PTPRD: variants seen among roughly 807,000 people sequenced by gnomAD.
PTPRD encodes protein tyrosine phosphatase receptor type D.
In PTPRD, 34 loss-of-function variants were observed where a neutral mutation model predicts 214.5. The ratio of observed to expected loss-of-function variants is 0.16; its 90% CI spans 0.12 to 0.21. The LOEUF is 0.21. PTPRD is among the 10% of genes least tolerant of loss of function. The pLI, the probability that PTPRD is intolerant of heterozygous loss-of-function variation, is 1.00. For synonymous variants in PTPRD, 1,128 were observed against 845.7 expected (o/e 1.33, Z -5.79); for missense variants, 2,545 against 2,398.7 (o/e 1.06, Z -1.27).
At chr9:9,540,867 C>T (rs1296508494) in intron 8 of PTPRD, among the ~76,000 whole-genome samples, 1 of 151,676 alleles carries the variant, frequency 6.6e-6, no homozygotes, top group Admixed American at 6.6e-5. Context: ...GTTCCACTTA[C>T]CGCTGGGATG....
intron 23 of PTPRD, among the ~76,000 whole-genome samples, chr9:8,503,046 G>T (rs958844280): frequency 6.6e-6 from 1 of 151,884 alleles, no homozygotes; most frequent in African/African-American, 2.4e-5. Context: ...ACATGCTTAC[G>T]CCTTTAAATG....
intron 2 of PTPRD, among the ~76,000 whole-genome samples, chr9:10,464,721 G>GA (rs145836954): frequency 0.03 from 4,457 of 150,292 alleles, 188 homozygotes; most frequent in African/African-American, 0.096. Flanking sequence ...TTTTAAAGTA[G>GA]AAAAAAAAAC....
intron 2 of PTPRD, among the ~76,000 whole-genome samples, chr9:10,568,867 G>A (rs2066519976): frequency 1.3e-5 from 2 of 152,078 alleles, no homozygotes; most frequent in Admixed American, 1.3e-4. Flanking sequence ...CTTGGGCAAG[G>A]ACTTCATGTC....
intron 12 of PTPRD, among the ~76,000 whole-genome samples, chr9:8,642,351 C>T (rs1248099706): frequency 6.6e-6 from 1 of 152,142 alleles, no homozygotes; most frequent in African/African-American, 2.4e-5. Flanking sequence ...TTAACATTTC[C>T]TTAAATACAG....
chr9:10,353,303 G>C (rs1338162156), intron 2 of PTPRD, among the ~76,000 whole-genome samples: 3 of 151,788 alleles, frequency 2.0e-5, no homozygotes, highest in Non-Finnish European at 4.4e-5. Flanking sequence ...TACAATAATG[G>C]TCCTAGGATA....
chr9:8,496,197 CACACACACACACAA>C (rs1413628911), intron 26 of PTPRD, among the ~76,000 whole-genome samples: 1 of 146,730 alleles, frequency 6.8e-6, no homozygotes, highest in African/African-American at 2.5e-5. Context: ...CACACACACA[CACACACACACACAA>C]ACACACACAC....
chr9:9,964,404 T>C (rs1287934981), intron 4 of PTPRD, among the ~76,000 whole-genome samples: 1 of 152,172 alleles, frequency 6.6e-6, no homozygotes, highest in Non-Finnish European at 1.5e-5. Context: ...TTTGAGAGAA[T>C]GAGAATGTTT....
intron 9 of PTPRD, among the ~76,000 whole-genome samples, chr9:9,197,498 C>T (rs1184879234): frequency 6.6e-6 from 1 of 152,036 alleles, no homozygotes; most frequent in African/African-American, 2.4e-5. Flanking sequence ...GCAATATCTG[C>T]CTCCCAGGTT....
At chr9:8,648,262 T>C (rs1163038387) in intron 12 of PTPRD, among the ~76,000 whole-genome samples, 1 of 152,210 alleles carries the variant, frequency 6.6e-6, no homozygotes, top group East Asian at 1.9e-4. Context: ...TTTTATTTAA[T>C]AAACAGTCAT....
At chr9:10,368,629 T>C (rs549459517) in intron 2 of PTPRD, among the ~76,000 whole-genome samples, 29 of 152,070 alleles carry the variant, frequency 1.9e-4, no homozygotes, top group Non-Finnish European at 4.0e-4. Flanking sequence ...GAAATTTCTG[T>C]CCTTTTAAAG....
chr9:9,732,252 T>A (rs2098210163), intron 7 of PTPRD, among the ~76,000 whole-genome samples: 1 of 152,082 alleles, frequency 6.6e-6, no homozygotes, highest in African/African-American at 2.4e-5. Flanking sequence ...AAAGATTGCT[T>A]TTGGATAACT....
intron 14 of PTPRD, among the ~76,000 whole-genome samples, chr9:8,567,894 C>T (rs900292967): frequency 6.6e-6 from 1 of 152,074 alleles, no homozygotes. Flanking sequence ...TTCTTGTATA[C>T]TGTGACATTT....
rs1231331670 is a variant in PTPRD, at chr9:8,513,807, T to TA, written c.1543+4040dup. On this transcript the variant is annotated intron_variant, in intron 21 of 45. Transcript: ENST00000381196. The stretch of plus-strand genomic sequence containing the variant: ...GTCCACTAATATCCACTGGCCTTTT[T>TA]AATTAAGCCTATAGAACAGATCAAA... Among the ~76,000 whole-genome samples, 4 of 152,218 alleles carry TA rather than the reference T, an allele frequency of 2.6e-5. No homozygotes were observed. The East Asian group carries it at 7.7e-4, about 29-fold the overall frequency.
At chr9:9,096,020 A>T (rs1591540116) in intron 10 of PTPRD, among the ~76,000 whole-genome samples, 1 of 152,212 alleles carries the variant, frequency 6.6e-6, no homozygotes. Context: ...ATATTGCGTT[A>T]TTCTACCTAT....
chr9:9,502,896 A>G (rs1347042519), intron 8 of PTPRD, among the ~76,000 whole-genome samples: 5 of 151,902 alleles, frequency 3.3e-5, no homozygotes, highest in African/African-American at 1.2e-4. Context: ...GGTGACAGAA[A>G]TTAGAACAAG....
intron 14 of PTPRD, among the ~76,000 whole-genome samples, chr9:8,538,116 C>T (rs2077397673): frequency 6.6e-6 from 1 of 151,822 alleles, no homozygotes; most frequent in Non-Finnish European, 1.5e-5. Flanking sequence ...AGATAAAATC[C>T]AATATCCATC....
chr9:8,632,050 A>G (rs1369925805), intron 14 of PTPRD, among the ~76,000 whole-genome samples: 2 of 151,738 alleles, frequency 1.3e-5, no homozygotes, highest in Non-Finnish European at 2.9e-5. Context: ...TAAGGTGTTT[A>G]TACTATTTCA....
chr9:9,845,886 G>T (rs2059435998), intron 5 of PTPRD, among the ~76,000 whole-genome samples: 1 of 152,090 alleles, frequency 6.6e-6, no homozygotes, highest in African/African-American at 2.4e-5. Context: ...CCAGCTCCAT[G>T]TCCAGAGGAA....
chr9:9,243,152 AGCAAATATT>A (rs1167624454), intron 9 of PTPRD, among the ~76,000 whole-genome samples: 3 of 152,102 alleles, frequency 2.0e-5, no homozygotes. Context: ...GCTGCAGAAC[AGCAAATATT>A]GCTGAACAGT....
Sources: allele counts gnomAD v4.1 joint callset (sites outside exome capture counted in the v4.1 genomes callset), GRCh38; gene constraint gnomAD v4.1.1; transcripts MANE v1.5; gene names NCBI Gene and HGNC (gene_info 2026-07-23, HGNC 2026-07-21).